CDC123: variants seen among roughly 807,000 people sequenced by gnomAD.
CDC123 encodes cell division cycle 123.
CDC123 carries 37 observed loss-of-function variants against 54.4 expected under a neutral mutation model. The observed-to-expected ratio is 0.68, with a 90% CI of 0.52 to 0.89. The LOEUF (loss-of-function observed/expected upper bound fraction) is 0.89, where lower values mean the gene tolerates loss of function less well. Among genes scored for constraint, CDC123 ranks in the 40% least tolerant of loss-of-function variants. CDC123 has a pLI of 0.00. For synonymous variants in CDC123, 144 were observed against 136.8 expected (o/e 1.05, Z -0.37); for missense variants, 361 against 412.1 (o/e 0.88, Z 1.07).
intron 10 of CDC123, among the ~76,000 whole-genome samples, chr10:12,240,184 C>T (rs1836038369): frequency 6.6e-6 from 1 of 152,078 alleles, no homozygotes; most frequent in African/African-American, 2.4e-5. Flanking sequence ...TTACTTACTG[C>T]TGACTTAATG....
At chr10:12,202,929 C>T (rs1390051631) in intron 2 of CDC123, among the ~76,000 whole-genome samples, 1 of 152,226 alleles carries the variant, frequency 6.6e-6, no homozygotes, top group Non-Finnish European at 1.5e-5. Flanking sequence ...GTAGGAGAAT[C>T]ACTTAAACCT....
chr10:12,239,712 A>T (rs138277840), intron 10 of CDC123, among the ~76,000 whole-genome samples: 11 of 292 alleles, frequency 0.038, no homozygotes, highest in South Asian at 0.31. Context: ...CTGTTTTTTA[A>T]AAAAAAAAAA....
At chr10:12,224,851 T>C (rs1835785258) in intron 6 of CDC123, among the ~76,000 whole-genome samples, 2 of 152,154 alleles carry the variant, frequency 1.3e-5, no homozygotes, top group Admixed American at 1.3e-4. Flanking sequence ...TGCTGAGTCC[T>C]CCAGTGACCT....
chr10:12,199,168 C>T (rs935417250), intron 2 of CDC123, among the ~76,000 whole-genome samples: 9 of 152,172 alleles, frequency 5.9e-5, no homozygotes, highest in African/African-American at 1.2e-4. Context: ...TTCTTCCCCA[C>T]GATTGAACTA....
chr10:12,205,238 C>CAA (rs1347200329), intron 2 of CDC123, among the ~76,000 whole-genome samples: 10 of 152,082 alleles, frequency 6.6e-5, no homozygotes, highest in African/African-American at 2.4e-4. Flanking sequence ...CATTTTGTTG[C>CAA]AAACGACTGG....
chr10:12,249,670 C>T lies in CDC123; in HGVS notation c.936C>T (p.Asp312=), dbSNP rs1836214292. The T allele has an allele frequency of 6.2e-7, 1 of 1,614,202 alleles. No homozygotes were observed. The highest frequency in any genetic ancestry group is 8.5e-7 in the Non-Finnish European group (1 of 1,180,038). The change falls in exon 12 of 13, where the codon GAC becomes GAT. Residue 312 remains aspartate (D), a synonymous_variant. Transcript: ENST00000281141. ...ACCGGCTACCCAAGGACTTTGTAGA[C>T]CTCTCTACTGGGGAGGACGCTCACA... is the stretch of plus-strand genomic sequence containing the variant. ...LSYRLPKDFV[D]LSTGEDAHKL... is the part of the protein sequence containing the mutation.
intron 10 of CDC123, among the ~76,000 whole-genome samples, chr10:12,240,002 C>T (rs1345212625): frequency 2.4e-5 from 3 of 126,502 alleles, no homozygotes; most frequent in Admixed American, 8.0e-5. Flanking sequence ...AGCGAGACTC[C>T]GTCTCAAAAA....
At chr10:12,218,046 G>A (rs535658755) in intron 6 of CDC123, among the ~76,000 whole-genome samples, 2 of 152,160 alleles carry the variant, frequency 1.3e-5, no homozygotes, top group South Asian at 2.1e-4. Flanking sequence ...CCGAGATTGC[G>A]TGCCACTGCA....
intron 6 of CDC123, among the ~76,000 whole-genome samples, chr10:12,218,833 G>C (rs1308029558): frequency 6.6e-6 from 1 of 152,214 alleles, no homozygotes; most frequent in African/African-American, 2.4e-5. Flanking sequence ...CAGCGTTGTA[G>C]GTGGACGGAA....
At chr10:12,229,396 T>G (rs1835869388) in intron 6 of CDC123, among the ~76,000 whole-genome samples, 1 of 152,212 alleles carries the variant, frequency 6.6e-6, no homozygotes, top group South Asian at 2.1e-4. Context: ...TGTCCAGAGT[T>G]TCTGTCCAGC....
At chr10:12,231,843 T>C (rs1025262243) in intron 7 of CDC123, among the ~76,000 whole-genome samples, 2 of 151,770 alleles carry the variant, frequency 1.3e-5, no homozygotes, top group African/African-American at 2.4e-5. Flanking sequence ...AACATAACTT[T>C]TTTTTCTTTT....
At chr10:12,226,622 C>T (rs575931858) in intron 6 of CDC123, among the ~76,000 whole-genome samples, 54 of 149,306 alleles carry the variant, frequency 3.6e-4, no homozygotes, top group Non-Finnish European at 5.9e-4. Context: ...CCAGACGGGG[C>T]GGCGGGGCAG....
At chr10:12,242,469 G>A (rs1389945246) in intron 10 of CDC123, among the ~76,000 whole-genome samples, 1 of 152,150 alleles carries the variant, frequency 6.6e-6, no homozygotes, top group African/African-American at 2.4e-5. Flanking sequence ...GGAAGGAGTC[G>A]ATTTTGTGTT....
chr10:12,226,869 G>GC (rs1835826773), intron 6 of CDC123, among the ~76,000 whole-genome samples: 1 of 152,174 alleles, frequency 6.6e-6, no homozygotes, highest in Non-Finnish European at 1.5e-5. Context: ...CTGGGCAGAG[G>GC]CTGCAATCTC....
intron 6 of CDC123, among the ~76,000 whole-genome samples, chr10:12,221,441 C>T (rs1835735747): frequency 1.3e-5 from 2 of 152,148 alleles, no homozygotes; most frequent in Non-Finnish European, 2.9e-5. Context: ...TAGGTTGTTT[C>T]CTCTTGTTCT....
At chr10:12,236,448 G>A (rs974485018) in intron 8 of CDC123, among the ~76,000 whole-genome samples, 4 of 151,900 alleles carry the variant, frequency 2.6e-5, no homozygotes, top group African/African-American at 9.7e-5. Flanking sequence ...AAAATAAAAC[G>A]ATGAGCCAGG....
At chr10:12,205,455 AC>A (rs1174064670) in intron 2 of CDC123, among the ~76,000 whole-genome samples, 1 of 152,120 alleles carries the variant, frequency 6.6e-6, no homozygotes, top group African/African-American at 2.4e-5. Flanking sequence ...AATCCCAAAC[AC>A]TTTTGACCCC....
Position 12,250,414 on chromosome 10 carries a change from C to A in CDC123, c.*77C>A. The A allele has an allele frequency of 9.0e-7, 1 of 1,107,622 alleles. No homozygotes were observed. The highest frequency in any genetic ancestry group is 1.5e-5 in the African/African-American group (1 of 65,330). 68.6% of individuals were successfully genotyped at this position (1,107,622 alleles called of 1,614,324 possible). A position where few individuals can be genotyped will look rare whatever the true frequency, so the allele number is the denominator to read the frequency against. On this transcript the variant is annotated 3_prime_UTR_variant, in exon 13 of 13. Coordinates refer to ENST00000281141, the MANE Select transcript of CDC123 (RefSeq NM_006023.3). Reference sequence around the variant, plus strand: ...CTGCTCATCAGCCGCAACTTCCTGCCGACCCTGATGCGGGTGGGCCGAGCA... The same window carrying A: ...CTGCTCATCAGCCGCAACTTCCTGCAGACCCTGATGCGGGTGGGCCGAGCA...
intron 11 of CDC123, among the ~76,000 whole-genome samples, chr10:12,249,114 C>G (rs145280974): frequency 1.5e-5 from 2 of 132,868 alleles, no homozygotes; most frequent in Non-Finnish European, 3.2e-5. Flanking sequence ...GAGAACAGAG[C>G]GAGACTTTGC....
Sources: gnomAD v4.1 joint callset for allele counts (sites outside exome capture counted in the v4.1 genomes callset) on GRCh38, gnomAD v4.1.1 for gene constraint, MANE v1.5 for transcripts, NCBI Gene and HGNC (gene_info 2026-07-23, HGNC 2026-07-21) for gene names.